The following LIMS2 variants were observed in gnomAD, a reference collection of about 807,000 sequenced individuals.
LIMS2 encodes LIM and senescent cell antigen-like-containing domain protein 2.
A neutral mutation model predicts 45.3 loss-of-function variants in LIMS2; 30 were observed. The ratio of observed to expected loss-of-function variants is 0.66; its 90% CI spans 0.50 to 0.90. The LOEUF (loss-of-function observed/expected upper bound fraction) is 0.90. Among genes scored for constraint, LIMS2 ranks in the 40% least tolerant of loss-of-function variants. The pLI is 0.00. For synonymous variants in LIMS2, 173 were observed against 188.0 expected (o/e 0.92, Z 0.65); for missense variants, 485 against 468.7 (o/e 1.03, Z -0.32).
Position 127,642,473 on chromosome 2 carries a change from T to A in LIMS2, c.510-274A>T. On this transcript the variant is annotated intron_variant, in intron 5 of 9. Coordinates refer to ENST00000355119, the MANE Select transcript of LIMS2 (RefSeq NM_001161403.3). This position sits in a 1 kb window ranked among gnomAD's most constrained non-coding sequence, Gnocchi z 5.3. Reference sequence around the variant, plus strand: ...GTCTGTTCTTGGGCCCCCCTCCTCCTCCAAACCAGAGGGGGTGTCTGGATA... The same window carrying A: ...GTCTGTTCTTGGGCCCCCCTCCTCCACCAAACCAGAGGGGGTGTCTGGATA... 3.5e-6 allele frequency: 1 copy of A among 287,810 alleles called. No homozygotes were observed. The highest frequency in any genetic ancestry group is 6.4e-6 in the Non-Finnish European group (1 of 156,206). The allele number at this position is 287,810 out of a possible 1,614,324, so 17.8% of individuals were successfully genotyped here. A position where few individuals can be genotyped will look rare whatever the true frequency, so the allele number is the denominator to read the frequency against.
chr2:127,639,191 G>T lies in LIMS2; in HGVS notation c.*90C>A. On this transcript the variant is annotated 3_prime_UTR_variant, in exon 10 of 10. Coordinates refer to ENST00000355119, the MANE Select transcript of LIMS2 (RefSeq NM_001161403.3). ...GAGAAAGGGAGGGTAAGATGCGGAG[G>T]GCACAGGTGGATGGGGACGAGGGGG... 1.5e-6 allele frequency: 2 copies of T among 1,370,710 alleles called. No individual in the cohort carries two copies. The highest frequency in any genetic ancestry group is 2.0e-6 in the Non-Finnish European group (2 of 987,798). 84.9% of individuals were successfully genotyped at this position (1,370,710 alleles called of 1,614,324 possible).
intron 1 of LIMS2, chr2:127,673,580 A>C (rs1685369747): frequency 1.6e-6 from 2 of 1,218,626 alleles, no homozygotes; most frequent in African/African-American, 3.0e-5. Flanking sequence ...GCCAGGGAGC[A>C]GTGGCACCTC....
intron 1 of LIMS2, among the ~76,000 whole-genome samples, chr2:127,658,113 C>T (rs1479225525): frequency 6.6e-6 from 1 of 152,208 alleles, no homozygotes; most frequent in Non-Finnish European, 1.5e-5. Flanking sequence ...GGTGCGTGTG[C>T]AGAATGGCTC....
intron 4 of LIMS2, chr2:127,648,389 T>G (rs1208075152): frequency 6.0e-6 from 1 of 165,684 alleles, no homozygotes; most frequent in African/African-American, 2.4e-5. Flanking sequence ...GGGCCAGCCC[T>G]CACCCTCCAT....
chr2:127,646,041 G>A (rs899201279), intron 4 of LIMS2: 1 of 153,290 alleles, frequency 6.5e-6, no homozygotes, highest in Non-Finnish European at 1.4e-5. Context: ...GCAGCCAGAG[G>A]AGCAGCCCGA....
chr2:127,643,419 T>G (rs112762774), intron 4 of LIMS2: 10 of 465,788 alleles, frequency 2.1e-5, no homozygotes, highest in African/African-American at 1.4e-4. Context: ...CCCAATGTAT[T>G]TAACACACAC....
At chr2:127,668,700 A>AC (rs1685144449) in intron 1 of LIMS2, among the ~76,000 whole-genome samples, 10 of 130,054 alleles carry the variant, frequency 7.7e-5, no homozygotes, top group East Asian at 2.0e-4. Context: ...AAAAAAAAAA[A>AC]AAAAAAAAAA....
chr2:127,658,593 G>A (rs1250726099), intron 1 of LIMS2, among the ~76,000 whole-genome samples: 6 of 152,150 alleles, frequency 3.9e-5, no homozygotes, highest in Admixed American at 6.5e-5. Flanking sequence ...AGGGCCCTTC[G>A]GCACAGCCAG....
rs1209585153 is a variant in LIMS2 at position 127,638,689 on chromosome 2, GT to G, written c.*591del. On this transcript the variant is annotated 3_prime_UTR_variant, in exon 10 of 10. Transcript: ENST00000355119. The stretch of plus-strand genomic sequence containing the variant: ...CTTCCGAAGGATGGAGGTGGGTCCT[GT>G]CCCTCCAGGTAGCTTGTGGGTGTGG... 6.5e-6 allele frequency: 1 copy of G among 152,902 alleles called. No individual in the cohort carries two copies. The highest frequency in any genetic ancestry group is 1.5e-5 in the Non-Finnish European group (1 of 68,504). 9.5% of individuals were successfully genotyped at this position (152,902 alleles called of 1,614,324 possible).
intron 4 of LIMS2, among the ~76,000 whole-genome samples, chr2:127,648,627 C>T (rs113335030): frequency 1.3e-5 from 2 of 152,066 alleles, no homozygotes; most frequent in African/African-American, 2.4e-5. Context: ...AGGGGCTGGG[C>T]GCAGTGACTC....
At chr2:127,670,395 T>C (rs1321696578) in intron 1 of LIMS2, among the ~76,000 whole-genome samples, 2 of 152,206 alleles carry the variant, frequency 1.3e-5, no homozygotes, top group Non-Finnish European at 2.9e-5. Flanking sequence ...ATATAATATA[T>C]GGCTCCATTT....
intron 1 of LIMS2, among the ~76,000 whole-genome samples, chr2:127,669,455 T>C (rs1320478536): frequency 2.6e-5 from 4 of 152,194 alleles, no homozygotes; most frequent in Admixed American, 2.0e-4. Context: ...GGCTCGTGCC[T>C]GTAATCCCAG....
rs1167205650 is a variant in LIMS2 at position 127,651,503 on chromosome 2, C to T, written c.359+2921G>A. On this transcript the variant is annotated intron_variant, in intron 4 of 9. Coordinates refer to ENST00000355119, the MANE Select transcript of LIMS2 (RefSeq NM_001161403.3). Reference sequence around the variant, plus strand: ...TCGTGCCCTACCACGTCAACCGCTCCGTCTACGTGCTGCACTACCGCAGCC... The same window carrying T: ...TCGTGCCCTACCACGTCAACCGCTCTGTCTACGTGCTGCACTACCGCAGCC... 2.6e-5 allele frequency: 42 copies of T among 1,612,748 alleles called. No individual in the cohort carries two copies. The highest frequency in any genetic ancestry group is 6.7e-5 in the East Asian group (3 of 44,882).
At chr2:127,649,460 C>T (rs1055889852) in intron 4 of LIMS2, among the ~76,000 whole-genome samples, 1 of 152,236 alleles carries the variant, frequency 6.6e-6, no homozygotes, top group Non-Finnish European at 1.5e-5. Context: ...AGAGGAGCCC[C>T]AGAAGCTGTG....
chr2:127,642,363 T>C lies in LIMS2; in HGVS notation c.510-164A>G. The C allele has an allele frequency of 1.4e-6, 1 of 736,000 alleles. No individual in the cohort carries two copies. Among genetic ancestry groups the C allele is most frequent in the Non-Finnish European group, 2.1e-6 (1 of 476,752 alleles). The allele number at this position is 736,000 out of a possible 1,614,324, so 45.6% of individuals were successfully genotyped here. ...CTCTGGGCACTTTGAAGACTTCCTGTGCCCCAGACAGGCCCTGGAGCACAG... is the reference window on the plus strand; with the variant it reads ...CTCTGGGCACTTTGAAGACTTCCTGCGCCCCAGACAGGCCCTGGAGCACAG... On this transcript the variant is annotated intron_variant, in intron 5 of 9. Transcript: ENST00000355119. The surrounding 1 kb of genome is among the most constrained non-coding windows in gnomAD (Gnocchi z 5.3).
chr2:127,655,316 G>A (rs562539624), intron 2 of LIMS2: 5 of 241,054 alleles, frequency 2.1e-5, no homozygotes, highest in South Asian at 1.1e-4. Flanking sequence ...ATGAAGACCC[G>A]GGTATAGGAG....
At position 127,642,284 on chromosome 2, in the gene LIMS2, TC is replaced by T; in HGVS notation, c.510-86del. On this transcript the variant is annotated intron_variant, in intron 5 of 9. Coordinates refer to ENST00000355119, the MANE Select transcript of LIMS2 (RefSeq NM_001161403.3). This position sits in a 1 kb window ranked among gnomAD's most constrained non-coding sequence, Gnocchi z 5.3. ...CAGCGCCTCCACCCCAGGGCACGGC[TC>T]CCCGAGGGGCCCATTCTGTCCCTGC... 1 of 1,389,580 alleles carries T rather than the reference TC, an allele frequency of 7.2e-7. No individual in the cohort carries two copies. 86.1% of individuals were successfully genotyped at this position (1,389,580 alleles called of 1,614,324 possible). A position where few individuals can be genotyped will look rare whatever the true frequency, so the allele number is the denominator to read the frequency against.
At chr2:127,649,795 G>C (rs1051576998) in intron 4 of LIMS2, 48 of 560,800 alleles carry the variant, frequency 8.6e-5, no homozygotes, top group Non-Finnish European at 1.3e-4. Context: ...GCCTTCAAAC[G>C]TGGGCAAGCC....
intron 4 of LIMS2, among the ~76,000 whole-genome samples, chr2:127,649,165 T>TAGGAAGGAAGGAAAGA (rs1683402996): frequency 7.4e-6 from 1 of 134,234 alleles, no homozygotes; most frequent in Non-Finnish European, 1.6e-5. Flanking sequence ...GAGAGGAAGG[T>TAGGAAGGAAGGAAAGA]AGGAAGGAAG....
Sources: allele counts gnomAD v4.1 joint callset (sites outside exome capture counted in the v4.1 genomes callset), GRCh38; gene constraint gnomAD v4.1.1; non-coding constraint Gnocchi (gnomAD v3.1); transcripts MANE v1.5; gene names NCBI Gene and HGNC (gene_info 2026-07-23, HGNC 2026-07-21).